EYS: variants seen among roughly 807,000 people sequenced by gnomAD.
EYS encodes EGF-like photoreceptor maintenance factor.
Under a neutral mutation model 282.1 loss-of-function variants are expected in EYS, and 250 were observed. The observed-to-expected ratio is 0.89, with a 90% CI of 0.80 to 0.98. The LOEUF is 0.98. EYS is among the 50% of genes least tolerant of loss of function. The pLI is 0.00. For synonymous variants in EYS, 1,355 were observed against 1,282.9 expected, an observed-to-expected ratio of 1.06 and a Z score of -1.20; for missense variants, 4,016 against 3,709.0, an observed-to-expected ratio of 1.08 and a Z score of -2.15.
chr6:64,691,622 C>A (rs576597674), intron 22 of EYS, among the ~76,000 whole-genome samples: 2 of 152,030 alleles, frequency 1.3e-5, no homozygotes, highest in African/African-American at 4.8e-5. Context: ...AGCATAGTAC[C>A]CTATAGGTCA....
chr6:65,600,163 C>T (rs1266650283), intron 2 of EYS, among the ~76,000 whole-genome samples: 1 of 152,012 alleles, frequency 6.6e-6, no homozygotes, highest in Non-Finnish European at 1.5e-5. Context: ...TGTGCAAAGA[C>T]CTCTGACTTC....
chr6:63,788,062 T>C (rs1770411456), intron 39 of EYS, 43 bp downstream of exon 39: 9 of 1,415,520 alleles, frequency 6.4e-6, no homozygotes, highest in Non-Finnish European at 7.6e-6. Context: ...TCCCTCAACA[T>C]TTGAAATAAG....
At chr6:64,279,405 A>G (rs1768226875) in intron 30 of EYS, among the ~76,000 whole-genome samples, 3 of 144,576 alleles carry the variant, frequency 2.1e-5, no homozygotes, top group Admixed American at 2.0e-4. Flanking sequence ...CAGAAAATTT[A>G]TAGTCAGGGT....
At chr6:64,568,394 A>G (rs1465807452) in intron 26 of EYS, among the ~76,000 whole-genome samples, 1 of 152,212 alleles carries the variant, frequency 6.6e-6, no homozygotes, top group East Asian at 1.9e-4. Context: ...GCATAGTGCC[A>G]AGACCTTTCC....
At chr6:64,566,068 G>T (rs966246437) in intron 26 of EYS, among the ~76,000 whole-genome samples, 2 of 151,438 alleles carry the variant, frequency 1.3e-5, no homozygotes, top group Non-Finnish European at 2.9e-5. Flanking sequence ...TAAATACATG[G>T]CTTTCTATAT....
chr6:64,162,972 G>C lies in EYS; in HGVS notation c.6424+67620C>G, dbSNP rs528653872. 1.2e-3 allele frequency among the ~76,000 whole-genome samples: 189 copies of C among 152,210 alleles called. No individual in the cohort carries two copies. The Middle Eastern group carries it at 0.031, about 25-fold the overall frequency. On this transcript the variant is annotated intron_variant, in intron 31 of 42. Coordinates refer to ENST00000503581, the MANE Select transcript of EYS (RefSeq NM_001142800.2). ...AGTGCTGTTCTGTGCCAGGCACTGTGCTTGCTCATGGAAATAGATACTAAG... is the reference window on the plus strand; with the variant it reads ...AGTGCTGTTCTGTGCCAGGCACTGTCCTTGCTCATGGAAATAGATACTAAG...
intron 26 of EYS, among the ~76,000 whole-genome samples, chr6:64,458,704 T>C (rs1426243241): frequency 6.6e-6 from 1 of 152,142 alleles, no homozygotes; most frequent in Non-Finnish European, 1.5e-5. Context: ...TGCATATTTC[T>C]CCAGGTTACT....
chr6:64,368,729 G>C (rs1315339442), intron 29 of EYS, among the ~76,000 whole-genome samples: 1 of 152,024 alleles, frequency 6.6e-6, no homozygotes, highest in Non-Finnish European at 1.5e-5. Flanking sequence ...GTTTGTTCAT[G>C]TCCTTTGCCC....
intron 1 of EYS, among the ~76,000 whole-genome samples, chr6:65,666,350 G>A (rs977092556): frequency 4.0e-4 from 61 of 151,834 alleles, no homozygotes; most frequent in Non-Finnish European, 5.2e-4. Flanking sequence ...TTTGGAGCCA[G>A]AATAATCTGT....
intron 30 of EYS, among the ~76,000 whole-genome samples, chr6:64,243,271 T>C (rs1468105100): frequency 1.3e-5 from 2 of 152,144 alleles, no homozygotes; most frequent in Non-Finnish European, 2.9e-5. Flanking sequence ...CTTAGTTTTC[T>C]TTCTTTATTA....
At chr6:65,686,247 C>T (rs913653196) in intron 1 of EYS, among the ~76,000 whole-genome samples, 12 of 152,062 alleles carry the variant, frequency 7.9e-5, no homozygotes, top group East Asian at 1.9e-4. Flanking sequence ...GCGTTCTTCC[C>T]GGCTCTTCCC....
At chr6:64,871,139 G>A (rs1258676869) in intron 19 of EYS, among the ~76,000 whole-genome samples, 1 of 151,844 alleles carries the variant, frequency 6.6e-6, no homozygotes, top group East Asian at 1.9e-4. Flanking sequence ...CTGCTGTTGT[G>A]TGAATTACAA....
At chr6:64,232,818 T>C (rs1030745855) in intron 30 of EYS, among the ~76,000 whole-genome samples, 1 of 152,212 alleles carries the variant, frequency 6.6e-6, no homozygotes, top group African/African-American at 2.4e-5. Context: ...TTTGATATAA[T>C]TTTGTAATCA....
intron 24 of EYS, among the ~76,000 whole-genome samples, chr6:64,606,228 C>G (rs1766932251): frequency 6.6e-6 from 1 of 151,820 alleles, no homozygotes; most frequent in Admixed American, 6.6e-5. Context: ...ATAACATAAC[C>G]TCACATCTTT....
intron 33 of EYS, among the ~76,000 whole-genome samples, chr6:64,037,249 T>A (rs899070608): frequency 6.6e-6 from 1 of 152,190 alleles, no homozygotes; most frequent in African/African-American, 2.4e-5. Flanking sequence ...TCCTATTAAC[T>A]TTTTCATTAG....
chr6:64,899,354 T>C (rs1767575686), intron 18 of EYS, among the ~76,000 whole-genome samples: 1 of 151,942 alleles, frequency 6.6e-6, no homozygotes. Flanking sequence ...GAATGACTAC[T>C]GGGTAAATAA....
chr6:65,330,323 G>T (rs1157141994), intron 11 of EYS: 2 of 974,198 alleles, frequency 2.1e-6, no homozygotes, highest in East Asian at 1.1e-4. Context: ...CTGGTAGCAA[G>T]TAGGGATTGG....
chr6:64,124,854 G>T (rs1773708540), intron 31 of EYS, among the ~76,000 whole-genome samples: 1 of 151,268 alleles, frequency 6.6e-6, no homozygotes, highest in African/African-American at 2.5e-5. Flanking sequence ...CAGAGGAAAT[G>T]AGAGAAGAAG....
chr6:65,622,485 C>A (rs1361873731), intron 2 of EYS, among the ~76,000 whole-genome samples: 2 of 151,918 alleles, frequency 1.3e-5, no homozygotes, highest in African/African-American at 4.8e-5. Flanking sequence ...TAGCTACATT[C>A]TTTTACACAT....
Sources: gnomAD v4.1 joint callset for allele counts (sites outside exome capture counted in the v4.1 genomes callset) on GRCh38, gnomAD v4.1.1 for gene constraint, MANE v1.5 for transcripts, NCBI Gene and HGNC (gene_info 2026-07-23, HGNC 2026-07-21) for gene names.